Variants in SON observed in about 807,000 individuals in gnomAD.
The protein encoded by SON is protein SON.
In SON, 4 loss-of-function variants were observed where a neutral mutation model predicts 173.3. The observed-to-expected ratio is 0.02, with a 90% CI of 0.01 to 0.05. The LOEUF is 0.05. Among genes scored for constraint, SON ranks in the 10% least tolerant of loss-of-function variants. The pLI, the probability that SON is intolerant of heterozygous loss-of-function variation, is 1.00. For synonymous variants in SON, 1,190 were observed against 1,105.9 expected, an observed-to-expected ratio of 1.08 and a Z score of -1.51; for missense variants, 2,626 against 3,055.3, an observed-to-expected ratio of 0.86 and a Z score of 3.31.
intron 7 of SON, 100 bp from the exon 8 acceptor site, chr21:33,568,871 T>C: frequency 1.5e-6 from 1 of 664,932 alleles, no homozygotes; most frequent in Non-Finnish European, 2.6e-6. Flanking sequence ...AAAAGTTAAA[T>C]ATTTAAGTCT....
intron 6 of SON, among the ~76,000 whole-genome samples, chr21:33,561,329 T>A (rs191549677): frequency 4.0e-5 from 6 of 148,284 alleles, no homozygotes; most frequent in East Asian, 1.9e-4. Context: ...TGACTTAATC[T>A]TCTTGTAGTA....
intron 6 of SON, among the ~76,000 whole-genome samples, chr21:33,564,220 C>T (rs908277663): frequency 2.0e-4 from 31 of 152,082 alleles, no homozygotes; most frequent in Admixed American, 2.0e-3. Context: ...GATTCTAAAG[C>T]TCTATTGTCC....
intron 6 of SON, among the ~76,000 whole-genome samples, chr21:33,564,468 A>G (rs1445704627): frequency 6.6e-6 from 1 of 152,204 alleles, no homozygotes; most frequent in Non-Finnish European, 1.5e-5. Flanking sequence ...GTTACCTTGA[A>G]AGGCTGGAAA....
In SON at chr21:33,560,310, A is replaced by G. The variant is rs1384493030; in HGVS notation, c.6657+535A>G. The G allele has an allele frequency of 1.0e-5, 14 of 1,365,406 alleles. No homozygotes were observed. The East Asian group carries it at 3.7e-4, about 36-fold the overall frequency. 84.6% of individuals were successfully genotyped at this position (1,365,406 alleles called of 1,614,324 possible). A position where few individuals can be genotyped will look rare whatever the true frequency, so the allele number is the denominator to read the frequency against. On this transcript the variant is annotated intron_variant, in intron 6 of 11. Transcript: ENST00000356577. Reference sequence around the variant, plus strand: ...GTTTGTCAGATAGCCTTTAATTTTAATTATTTTTCCTTCCCTTTGCTACCT... The same window carrying G: ...GTTTGTCAGATAGCCTTTAATTTTAGTTATTTTTCCTTCCCTTTGCTACCT...
intron 1 of SON, 37 bp from the exon 2 acceptor site, chr21:33,546,176 A>G (rs1400177112): frequency 5.1e-6 from 8 of 1,553,564 alleles, no homozygotes; most frequent in Non-Finnish European, 7.0e-6. Flanking sequence ...ATGGTATGAT[A>G]AAATATTAAT....
At chr21:33,568,062 C>G (rs894642858) in intron 7 of SON, among the ~76,000 whole-genome samples, 1 of 152,196 alleles carries the variant, frequency 6.6e-6, no homozygotes, top group Admixed American at 6.5e-5. Context: ...TATGGTAAAT[C>G]AGTAAGTACA....
chr21:33,564,393 T>G (rs2086124840), intron 6 of SON, among the ~76,000 whole-genome samples: 1 of 152,182 alleles, frequency 6.6e-6, no homozygotes, highest in Non-Finnish European at 1.5e-5. Flanking sequence ...AACATCGGGT[T>G]TGACCCTTAA....
rs759491028 is a variant in SON, at chr21:33,554,495, C to A, written c.5264C>A (p.Pro1755His). 5 of 1,614,144 alleles carry A rather than the reference C, an allele frequency of 3.1e-6. No homozygotes were observed. The Admixed American group carries it at 8.3e-5, about 27-fold the overall frequency. The change falls in exon 3 of 12, where the codon CCT (proline) becomes CAT (histidine). Residue 1755 changes from proline (P) to histidine (H), a missense_variant. By Grantham distance (77) the Pro-to-His change is moderately conservative. Transcript: ENST00000356577. ...AGCCTTAGAGCTGGCATTGAAGGAC[C>A]TTTACTTGCAAGTGATGTTGGACGT... ...LTSLRAGIEG[P>H]LLASDVGRDR...
intron 8 of SON, chr21:33,569,585 CTTCTTGTAAGATCTCTTGGCCCCCG>C (rs1290960774): frequency 2.2e-6 from 1 of 463,088 alleles, no homozygotes; most frequent in Non-Finnish European, 4.5e-6. Context: ...GTGCCTGTGC[CTTCTTGTAAGATCTCTTGGCCCCCG>C]TTCCTCACTC....
At chr21:33,573,587 T>A in intron 9 of SON, 132 bp downstream of exon 9, 1 of 717,172 alleles carries the variant, frequency 1.4e-6, no homozygotes, top group Non-Finnish European at 2.2e-6. Flanking sequence ...GAAAAAACAT[T>A]AACCCCTTTT....
chr21:33,556,067 A>G (rs548047551), intron 3 of SON, among the ~76,000 whole-genome samples: 477 of 152,362 alleles, frequency 3.1e-3, no homozygotes, highest in Non-Finnish European at 3.4e-3. Flanking sequence ...ATGATTACCT[A>G]TAATAAATAT....
chr21:33,560,714 T>A, intron 6 of SON: 1 of 601,824 alleles, frequency 1.7e-6, no homozygotes, highest in Non-Finnish European at 2.1e-6. Flanking sequence ...GGTGGAGTCT[T>A]AATAGGGGGG....
At chr21:33,543,891 C>T (rs1181098162) in intron 1 of SON, among the ~76,000 whole-genome samples, 1 of 152,222 alleles carries the variant, frequency 6.6e-6, no homozygotes, top group Non-Finnish European at 1.5e-5. Flanking sequence ...CCCCAGTTGA[C>T]ACGCTATTTT....
chr21:33,552,993 G>T lies in SON; in HGVS notation c.3762G>T (p.Glu1254Asp), dbSNP rs201894848. Residue 1254 changes from glutamate (E) to aspartate (D), a missense_variant, in exon 3 of 12, where the codon GAG becomes GAT. Around this residue, in one of 13 missense-constraint regions of SON, gnomAD observed 1,006 missense variants for 895.6 expected, o/e 1.12. Transcript: ENST00000356577. This position sits in a 1 kb window ranked among gnomAD's most constrained non-coding sequence, Gnocchi z 5.6. ...TGACTGTTCCAGAACCACCACCAGA[G>T]CCAGAATCTTCAATTACGTTAACAC... Reference protein sequence around the residue: ...AAVTVPEPPPEPESSITLTPV... With the variant: ...AAVTVPEPPPDPESSITLTPV... 28 of 1,610,032 alleles carry T rather than the reference G, an allele frequency of 1.7e-5. No homozygotes were observed. The highest frequency in any genetic ancestry group is 2.2e-5 in the Non-Finnish European group (26 of 1,176,138).
rs767372328 is a variant in SON at position 33,554,437 on chromosome 21, C to T, written c.5206C>T (p.Pro1736Ser). Residue 1736 changes from proline (P) to serine (S), a missense_variant, in exon 3 of 12, where the codon CCG becomes TCG. By Grantham distance (74) the Pro-to-Ser change is moderately conservative. This residue lies in a region of SON where 1,006 missense variants were observed against 895.6 expected (regional missense o/e 1.12). Transcript: ENST00000356577. Reference protein sequence around the residue: ...EDINEADLVRPLLPKDMERLT... With the variant: ...EDINEADLVRSLLPKDMERLT... ...TATTAATGAAGCAGATTTAGTGAGA[C>T]CGTTACTTCCTAAGGACATGGAACG... 6.2e-7 allele frequency: 1 copy of T among 1,614,174 alleles called. No homozygotes were observed. Among genetic ancestry groups the T allele is most frequent in the Non-Finnish European group, 8.5e-7 (1 of 1,180,036 alleles).
In SON at chr21:33,550,359, G is replaced by A. The variant is rs576006523; in HGVS notation, c.1128G>A (p.Ser376=). The change falls in exon 3 of 12, where the codon TCG becomes TCA. Residue 376 remains serine (S), a synonymous_variant. Coordinates refer to ENST00000356577, the MANE Select transcript of SON (RefSeq NM_138927.4). ...CAGCGTTGGAGCTGCAGGAGTCGTCGGTGGCCTCAGCGATGGAGTTGCCGG... is the reference window on the plus strand; with the variant it reads ...CAGCGTTGGAGCTGCAGGAGTCGTCAGTGGCCTCAGCGATGGAGTTGCCGG... ...KTTALELQES[S]VASAMELPGP... is the part of the protein sequence containing the mutation. 16 of 1,614,116 alleles carry A rather than the reference G, an allele frequency of 9.9e-6. No homozygotes were observed. Among genetic ancestry groups the A allele is most frequent in the South Asian group, 5.5e-5 (5 of 91,080 alleles).
In SON at chr21:33,550,124, A is replaced by T. The variant is rs2085727076; in HGVS notation, c.893A>T (p.Lys298Ile). ...ATGTTGGTAGAGCCCCCAGTAGCAA[A>T]AGTGTTAGAGCCTTCAGAAACCCTT... Reference protein sequence around the residue: ...KIMLVEPPVAKVLEPSETLVV... With the variant: ...KIMLVEPPVAIVLEPSETLVV... Residue 298 changes from lysine (K) to isoleucine (I), a missense_variant, in exon 3 of 12, where the codon AAA (lysine) becomes ATA (isoleucine). Transcript: ENST00000356577. 1.2e-6 allele frequency: 2 copies of T among 1,614,118 alleles called. No individual in the cohort carries two copies. The highest frequency in any genetic ancestry group is 4.5e-5 in the East Asian group (2 of 44,876).
chr21:33,549,353 G>A (rs1346669478), intron 2 of SON, 123 bp from the exon 3 acceptor site: 6 of 759,966 alleles, frequency 7.9e-6, no homozygotes, highest in Non-Finnish European at 7.9e-6. Flanking sequence ...GATTACAGGC[G>A]TGAGCCACTG....
Position 33,549,784 on chromosome 21 carries a change from G to A in SON, c.553G>A (p.Val185Ile). ...GPSETNESPAVVLEPPVVSME... is the reference protein window; with the variant it reads ...GPSETNESPAIVLEPPVVSME... ...ATCTGAGACCAATGAATCCCCTGCA[G>A]TTGTGCTAGAACCTCCTGTAGTATC... Residue 185 changes from valine (V) to isoleucine (I), a missense_variant, in exon 3 of 12, where the codon GTT becomes ATT. Coordinates refer to ENST00000356577, the MANE Select transcript of SON (RefSeq NM_138927.4). 1 of 1,614,200 alleles carries A rather than the reference G, an allele frequency of 6.2e-7. No individual in the cohort carries two copies. The highest frequency in any genetic ancestry group is 8.5e-7 in the Non-Finnish European group (1 of 1,180,052).
Sources: allele counts gnomAD v4.1 joint callset (sites outside exome capture counted in the v4.1 genomes callset), GRCh38; gene constraint gnomAD v4.1.1; regional missense constraint gnomAD v4.1.1; non-coding constraint Gnocchi (gnomAD v3.1); transcripts MANE v1.5; gene names NCBI Gene and HGNC (gene_info 2026-07-23, HGNC 2026-07-21).